SYNPR: variants seen among roughly 807,000 people sequenced by gnomAD.
SYNPR encodes the protein synaptoporin.
A neutral mutation model predicts 32.9 loss-of-function variants in SYNPR; 23 were observed. The observed-to-expected ratio is 0.70, with a 90% CI of 0.50 to 0.99. The LOEUF is 0.99. Ranked by LOEUF, SYNPR falls within the 50% of genes least tolerant of loss-of-function variation. The probability of loss-of-function intolerance (pLI) is 0.00; values close to 1 mark genes in which losing one functional copy is unlikely to be tolerated. For synonymous variants in SYNPR, 146 were observed against 135.9 expected, an observed-to-expected ratio of 1.07 and a Z score of -0.52; for missense variants, 318 against 349.3, an observed-to-expected ratio of 0.91 and a Z score of 0.71.
chr3:63,255,935 C>T (rs971876772), intron 2 of SYNPR, among the ~76,000 whole-genome samples: 1 of 152,250 alleles, frequency 6.6e-6, no homozygotes. Flanking sequence ...CCGCGCCTAG[C>T]TCAGAGGGTC....
intron 3 of SYNPR, among the ~76,000 whole-genome samples, chr3:63,546,638 C>T (rs1188076180): frequency 6.6e-6 from 1 of 151,834 alleles, no homozygotes; most frequent in Non-Finnish European, 1.5e-5. Flanking sequence ...TATTATTACC[C>T]TCCTTAAAAT....
intron 2 of SYNPR, chr3:63,423,782 C>T (rs1195888892): frequency 2.6e-5 from 4 of 152,234 alleles, no homozygotes; most frequent in South Asian, 4.1e-4. Context: ...GCCAATGCAA[C>T]ATTCTGTTAC....
chr3:63,477,909 A>G (rs1700962942), intron 2 of SYNPR, among the ~76,000 whole-genome samples: 1 of 152,222 alleles, frequency 6.6e-6, no homozygotes, highest in African/African-American at 2.4e-5. Context: ...AATAGGGTAT[A>G]TAACTAGTGG....
chr3:63,293,943 G>A (rs2086768646), intron 2 of SYNPR, among the ~76,000 whole-genome samples: 1 of 152,144 alleles, frequency 6.6e-6, no homozygotes, highest in Non-Finnish European at 1.5e-5. Flanking sequence ...TTCAACATAT[G>A]AATCTTCGGA....
chr3:63,208,811 T>C, the SYNPR span, among the ~76,000 whole-genome samples: 1 of 152,188 alleles, frequency 6.6e-6, no homozygotes. Flanking sequence ...AAGATTGGCA[T>C]AGCCGGTTAG....
chr3:63,512,476 A>G (rs1456369722), intron 3 of SYNPR, among the ~76,000 whole-genome samples: 1 of 152,234 alleles, frequency 6.6e-6, no homozygotes, highest in Non-Finnish European at 1.5e-5. Flanking sequence ...TCAGCTGACC[A>G]TTAAATAGAG....
At chr3:63,420,312 A>T (rs1161817710) in intron 2 of SYNPR, among the ~76,000 whole-genome samples, 8 of 152,208 alleles carry the variant, frequency 5.3e-5, no homozygotes. Flanking sequence ...AATATATATG[A>T]GGCTTATAGC....
intron 2 of SYNPR, among the ~76,000 whole-genome samples, chr3:63,392,979 C>G (rs1040698872): frequency 1.3e-5 from 2 of 152,162 alleles, no homozygotes; most frequent in Admixed American, 6.5e-5. Flanking sequence ...TTTCCCATTT[C>G]TGTACATACC....
chr3:63,256,759 T>G (rs2086387799), intron 2 of SYNPR, among the ~76,000 whole-genome samples: 1 of 151,902 alleles, frequency 6.6e-6, no homozygotes, highest in African/African-American at 2.4e-5. Flanking sequence ...CTTCAGATGA[T>G]CAAACTACTC....
At chr3:63,410,004 C>A (rs1305863007) in intron 2 of SYNPR, among the ~76,000 whole-genome samples, 1 of 151,362 alleles carries the variant, frequency 6.6e-6, no homozygotes, top group Non-Finnish European at 1.5e-5. Context: ...TGACATGGAG[C>A]AGAACCCCAT....
At chr3:63,208,823 A>G in the SYNPR span, among the ~76,000 whole-genome samples, 1 of 152,188 alleles carries the variant, frequency 6.6e-6, no homozygotes, top group Non-Finnish European at 1.5e-5. Context: ...GCCGGTTAGT[A>G]AGAAACATTG....
intron 4 of SYNPR, among the ~76,000 whole-genome samples, chr3:63,606,417 C>T (rs200770773): frequency 2.4e-3 from 163 of 68,148 alleles, no homozygotes; most frequent in Middle Eastern, 0.017. Context: ...CAAATCCTTT[C>T]TTTTTTTTTT....
At chr3:63,392,379 T>A (rs1419870893) in intron 2 of SYNPR, among the ~76,000 whole-genome samples, 2 of 152,222 alleles carry the variant, frequency 1.3e-5, no homozygotes, top group Non-Finnish European at 2.9e-5. Context: ...AAAAAAGGAA[T>A]GACCATACAC....
At chr3:63,338,807 A>T (rs988364999) in intron 2 of SYNPR, among the ~76,000 whole-genome samples, 2 of 152,228 alleles carry the variant, frequency 1.3e-5, no homozygotes, top group African/African-American at 4.8e-5. Context: ...TCTCCGAAGC[A>T]GGGACATGTT....
chr3:63,300,197 T>A (rs1000707708), intron 2 of SYNPR, among the ~76,000 whole-genome samples: 1 of 152,094 alleles, frequency 6.6e-6, no homozygotes, highest in Admixed American at 6.6e-5. Flanking sequence ...GGAAGGAGTA[T>A]GACCTGCCTC....
At position 63,614,863 on chromosome 3, in the gene SYNPR, C is replaced by A. The variant is rs192844820; in HGVS notation, c.601-361C>A. Among the ~76,000 whole-genome samples, 7 of 152,240 alleles carry A rather than the reference C, an allele frequency of 4.6e-5. No individual in the cohort carries two copies. In the East Asian group the frequency reaches 1.2e-3, roughly 25 times the overall value. On this transcript the variant is annotated intron_variant, in intron 5 of 5. Transcript: ENST00000478300. ...ATAAGTGATGCCTTAAGTAAGGTTT[C>A]CAGTTATGGAACCAGAAGAGAGTTT...
intron 4 of SYNPR, among the ~76,000 whole-genome samples, chr3:63,583,287 T>A (rs1040195577): frequency 3.9e-5 from 6 of 152,052 alleles, no homozygotes; most frequent in African/African-American, 1.4e-4. Context: ...TTTCAGCTGC[T>A]CCAGACTTCT....
intron 2 of SYNPR, among the ~76,000 whole-genome samples, chr3:63,450,368 T>C (rs556970673): frequency 1.0e-3 from 155 of 152,272 alleles, no homozygotes; most frequent in South Asian, 2.1e-3. Flanking sequence ...CATTAAAACT[T>C]AATTTATTTA....
chr3:63,388,662 C>G (rs954223421), intron 2 of SYNPR, among the ~76,000 whole-genome samples: 1 of 151,422 alleles, frequency 6.6e-6, no homozygotes, highest in East Asian at 2.0e-4. Context: ...CTTCATGATC[C>G]ACCCACCTCA....
Sources: gnomAD v4.1 joint callset for allele counts (sites outside exome capture counted in the v4.1 genomes callset) on GRCh38, gnomAD v4.1.1 for gene constraint, MANE v1.5 for transcripts, NCBI Gene and HGNC (gene_info 2026-07-23, HGNC 2026-07-21) for gene names.